Variants in DNMBP observed in about 807,000 individuals in gnomAD.
DNMBP encodes dynamin binding protein.
Under a neutral mutation model 150.0 loss-of-function variants are expected in DNMBP, and 87 were observed. The observed-to-expected ratio is 0.58, with a 90% confidence interval of 0.49 to 0.69. The LOEUF is 0.69. Ranked by LOEUF, DNMBP falls within the 30% of genes least tolerant of loss-of-function variation. DNMBP has a pLI of 0.00. For synonymous variants in DNMBP, 711 were observed against 750.4 expected (o/e 0.95, Z 0.86); for missense variants, 1,774 against 1,949.0 (o/e 0.91, Z 1.69).
intron 1 of DNMBP, among the ~76,000 whole-genome samples, chr10:99,974,206 T>C (rs1028818514): frequency 6.6e-6 from 1 of 152,180 alleles, no homozygotes; most frequent in African/African-American, 2.4e-5. Flanking sequence ...CCAGACAAGA[T>C]TTAGCATCCT....
Position 99,880,095 on chromosome 10 carries a change from G to A in DNMBP, c.4264C>T (p.Leu1422=), listed in dbSNP as rs775333196. The A allele has an allele frequency of 2.5e-6, 4 of 1,614,192 alleles. No homozygotes were observed. The highest frequency in any genetic ancestry group is 3.4e-6 in the Non-Finnish European group (4 of 1,180,030). The part of the protein sequence containing the change: ...ECDQGTLSAS[L]NPSNSESSPS... The stretch of plus-strand genomic sequence containing the variant: ...CTACTCTCTGAATTACTCGGATTTA[G>A]GGATGCACTGAGAGTTCCTTGGTCA... Residue 1422 remains leucine, a synonymous_variant, in exon 16 of 17, where the codon CTA becomes TTA. Transcript: ENST00000324109.
chr10:99,886,253 G>A (rs2039460370), intron 13 of DNMBP, 47 bp downstream of exon 13: 4 of 1,493,248 alleles, frequency 2.7e-6, no homozygotes, highest in Non-Finnish European at 3.7e-6. Context: ...AAAAATACCA[G>A]GCAAAGGCTA....
rs150626628 is a variant in DNMBP, at chr10:99,949,010, A to G, written c.2260+6204T>C. Among the ~76,000 whole-genome samples, 1,244 of 148,786 alleles carry G rather than the reference A, an allele frequency of 8.4e-3. 7 individuals carry two copies. Among genetic ancestry groups the G allele is most frequent in the South Asian group, 0.017 (82 of 4,724 alleles). On this transcript the variant is annotated intron_variant, in intron 4 of 16. Transcript: ENST00000324109. ...TAAATAAATAAATAAATAAATAAAT[A>G]AATGCAGAGTTTTAAGAAGAGGCAG...
At chr10:99,993,668 G>A (rs1469782012) in intron 1 of DNMBP, among the ~76,000 whole-genome samples, 1 of 152,118 alleles carries the variant, frequency 6.6e-6, no homozygotes, top group African/African-American at 2.4e-5. Flanking sequence ...TGGGCATGCT[G>A]GTGTGCACCT....
Position 99,895,027 on chromosome 10 carries a change from T to G in DNMBP, c.3075A>C (p.Glu1025Asp). 1 of 1,611,026 alleles carries G rather than the reference T, an allele frequency of 6.2e-7. No individual in the cohort carries two copies. Among genetic ancestry groups the G allele is most frequent in the Non-Finnish European group, 8.5e-7 (1 of 1,177,576 alleles). The stretch of plus-strand genomic sequence containing the variant: ...CTTGCATTCGGAAGTTTTTTTCTGT[T>G]TCTTCAAATACTTCATCTTTTATCT... ...APQIKDEVFE[E>D]TEKNFRMQER... The change falls in exon 11 of 17, where the codon GAA becomes GAC. Residue 1025 changes from glutamate (E) to aspartate (D), a missense_variant. Physicochemically the swap from Glu to Asp is conservative, Grantham distance 45 (BLOSUM62 2). Transcript: ENST00000324109.
In DNMBP at chr10:99,876,874, T is replaced by C. The variant is rs2039282534; in HGVS notation, c.*277A>G. 1.2e-5 allele frequency: 4 copies of C among 330,624 alleles called. No homozygotes were observed. Among genetic ancestry groups the C allele is most frequent in the Non-Finnish European group, 1.6e-5 (3 of 183,734 alleles). The allele number at this position is 330,624 out of a possible 1,614,324, so 20.5% of individuals were successfully genotyped here. On this transcript the variant is annotated 3_prime_UTR_variant, in exon 17 of 17. Coordinates refer to ENST00000324109, the MANE Select transcript of DNMBP (RefSeq NM_015221.4). ...TGGGCTTCTGACTGCAAGTTTCTCC[T>C]TTCCAAAAGCCAGCTCTAAGACTTG...
chr10:99,977,572 T>C (rs1373123674), intron 1 of DNMBP, among the ~76,000 whole-genome samples: 1 of 152,194 alleles, frequency 6.6e-6, no homozygotes. Flanking sequence ...TAGGGAGTCA[T>C]TCTGCATTTG....
chr10:99,989,625 C>T (rs958923713), intron 1 of DNMBP, among the ~76,000 whole-genome samples: 1 of 152,188 alleles, frequency 6.6e-6, no homozygotes, highest in African/African-American at 2.4e-5. Context: ...ACAGGAGAAT[C>T]ACTTGAACCT....
chr10:99,894,631 T>C (rs891005141), intron 11 of DNMBP, among the ~76,000 whole-genome samples: 6 of 152,206 alleles, frequency 3.9e-5, no homozygotes, highest in East Asian at 1.9e-4. Context: ...CATTCAATAT[T>C]TGATTTTCAA....
intron 4 of DNMBP, among the ~76,000 whole-genome samples, chr10:99,925,404 C>A (rs1264410694): frequency 2.0e-5 from 3 of 151,922 alleles, no homozygotes; most frequent in South Asian, 2.1e-4. Context: ...TTTACTGTGA[C>A]CCACACTTTA....
At chr10:99,933,295 C>CA (rs2040181687) in intron 4 of DNMBP, among the ~76,000 whole-genome samples, 1 of 150,732 alleles carries the variant, frequency 6.6e-6, no homozygotes, top group Non-Finnish European at 1.5e-5. Context: ...GACCCTGTCT[C>CA]AAAAAATAAT....
rs551731108 is a variant in DNMBP, at chr10:99,881,198, A to G, written c.3998-837T>C. ...AGCCAAGACCATGCCATTGCACTCC[A>G]ACCTGGGCAACAAGAACGAAACTCC... is the stretch of plus-strand genomic sequence containing the variant. On this transcript the variant is annotated intron_variant, in intron 15 of 16. Transcript: ENST00000324109. 2.0e-5 allele frequency among the ~76,000 whole-genome samples: 3 copies of G among 152,228 alleles called. No individual in the cohort carries two copies. The East Asian group carries it at 5.8e-4, about 30-fold the overall frequency.
At chr10:99,921,169 T>C (rs1454831344) in intron 4 of DNMBP, among the ~76,000 whole-genome samples, 3 of 152,208 alleles carry the variant, frequency 2.0e-5, no homozygotes, top group Non-Finnish European at 4.4e-5. Context: ...CAACAAAGTT[T>C]AATGGTCTGT....
At chr10:99,993,930 T>G (rs1452384557) in intron 1 of DNMBP, among the ~76,000 whole-genome samples, 1 of 152,152 alleles carries the variant, frequency 6.6e-6, no homozygotes. Context: ...CCCTACAAAG[T>G]TTTTCCTACA....
chr10:99,883,979 A>AG lies in DNMBP; in HGVS notation c.3997+31dup, dbSNP rs751569037. 1.9e-6 allele frequency: 3 copies of AG among 1,573,060 alleles called. No homozygotes were observed. In the Admixed American group the frequency reaches 5.5e-5, roughly 29 times the overall value. On this transcript the variant is annotated intron_variant, in intron 15 of 16. Coordinates refer to ENST00000324109, the MANE Select transcript of DNMBP (RefSeq NM_015221.4). ...GCCAAAACTACTATTTTTTTTTTCC[A>AG]GTTACAGTCCTCTGCTGCTTAAAAT...
chr10:99,894,880 G>A, intron 11 of DNMBP, 66 bp downstream of exon 11: 2 of 1,236,470 alleles, frequency 1.6e-6, no homozygotes, highest in Non-Finnish European at 1.2e-6. Context: ...CAATATGACT[G>A]ATGAACAGGA....
At chr10:99,888,798 C>A in intron 12 of DNMBP, 27 bp downstream of exon 12, 1 of 1,612,956 alleles carries the variant, frequency 6.2e-7, no homozygotes, top group Non-Finnish European at 8.5e-7. Flanking sequence ...GGGAAGGGGG[C>A]CAACTTTTGA....
intron 4 of DNMBP, among the ~76,000 whole-genome samples, chr10:99,951,350 G>A (rs577984532): frequency 2.6e-5 from 4 of 152,354 alleles, no homozygotes; most frequent in African/African-American, 9.6e-5. Flanking sequence ...CCTCTACACA[G>A]AGTCCCTACT....
intron 1 of DNMBP, among the ~76,000 whole-genome samples, chr10:99,979,220 T>C (rs1017938287): frequency 6.6e-6 from 1 of 152,114 alleles, no homozygotes; most frequent in Non-Finnish European, 1.5e-5. Context: ...TCTAATCCTG[T>C]TGGTGGCGGA....
Sources: gnomAD v4.1 joint callset for allele counts (sites outside exome capture counted in the v4.1 genomes callset) on GRCh38, gnomAD v4.1.1 for gene constraint, MANE v1.5 for transcripts, NCBI Gene and HGNC (gene_info 2026-07-23, HGNC 2026-07-21) for gene names.